The following FOXN3 variants were observed in gnomAD, a reference collection of about 807,000 sequenced individuals.
FOXN3 encodes forkhead box protein N3.
Under a neutral mutation model 38.4 loss-of-function variants are expected in FOXN3, and 7 were observed. The ratio of observed to expected loss-of-function variants is 0.18; its 90% CI spans 0.10 to 0.34. The LOEUF is 0.34. FOXN3 is among the 10% of genes least tolerant of loss of function. The probability of loss-of-function intolerance (pLI) is 1.00; values close to 1 mark genes in which losing one functional copy is unlikely to be tolerated. For synonymous variants in FOXN3, 230 were observed against 242.2 expected, an observed-to-expected ratio of 0.95 and a Z score of 0.47; for missense variants, 456 against 613.4, an observed-to-expected ratio of 0.74 and a Z score of 2.71.
intron 4 of FOXN3, among the ~76,000 whole-genome samples, chr14:89,217,496 G>A (rs1884322601): frequency 1.3e-5 from 2 of 152,162 alleles, no homozygotes; most frequent in South Asian, 4.1e-4. Flanking sequence ...AGTAAGAAGA[G>A]TGCCAAAGAC....
intron 1 of FOXN3, among the ~76,000 whole-genome samples, chr14:89,511,154 TTTC>T (rs1894055206): frequency 9.4e-5 from 2 of 21,292 alleles, no homozygotes; most frequent in Non-Finnish European, 6.3e-4. Flanking sequence ...TCTTTCTTTC[TTTC>T]TTTCTTTCTT....
At chr14:89,312,060 G>A (rs1049933722) in intron 3 of FOXN3, among the ~76,000 whole-genome samples, 6 of 151,796 alleles carry the variant, frequency 4.0e-5, no homozygotes, top group South Asian at 2.1e-4. Context: ...CGAGGCAGGC[G>A]GATCATTTGA....
chr14:89,502,612 C>T (rs747955864), intron 1 of FOXN3, among the ~76,000 whole-genome samples: 2 of 152,114 alleles, frequency 1.3e-5, no homozygotes, highest in East Asian at 1.9e-4. Flanking sequence ...TTCTTCTTAG[C>T]GGTGCATAAA....
chr14:89,281,469 T>C (rs989544172), intron 3 of FOXN3, among the ~76,000 whole-genome samples: 8 of 152,204 alleles, frequency 5.3e-5, no homozygotes, highest in Non-Finnish European at 1.0e-4. Context: ...TTTCTACCAC[T>C]AAATCCTTAA....
intron 1 of FOXN3, among the ~76,000 whole-genome samples, chr14:89,603,982 G>A (rs993336250): frequency 1.3e-5 from 2 of 152,180 alleles, no homozygotes; most frequent in African/African-American, 4.8e-5. Flanking sequence ...TACTAAAAAT[G>A]TGTAACCACA....
In FOXN3 at chr14:89,309,510, A is replaced by G. The variant is rs144261950; in HGVS notation, c.681-28496T>C. Among the ~76,000 whole-genome samples the G allele has an allele frequency of 2.9e-3, 446 of 152,296 alleles. 5 individuals are homozygous for G. Among genetic ancestry groups the G allele is most frequent in the African/African-American group, 9.8e-3 (408 of 41,558 alleles). ...TCACAGAAAAGTCTGTGCTTTAAGC[A>G]AAGAAAAAGGAATCTGAACACTTCG... On this transcript the variant is annotated intron_variant, in intron 3 of 5. Transcript: ENST00000557258.
At chr14:89,275,405 G>A (rs1369603589) in intron 4 of FOXN3, among the ~76,000 whole-genome samples, 1 of 152,172 alleles carries the variant, frequency 6.6e-6, no homozygotes, top group Non-Finnish European at 1.5e-5. Flanking sequence ...TACTAGATAG[G>A]GAATCTTTGC....
intron 5 of FOXN3, 51 bp downstream of exon 5, chr14:89,180,650 C>A (rs1392705117): frequency 3.0e-6 from 4 of 1,352,474 alleles, no homozygotes; most frequent in Admixed American, 2.4e-5. Context: ...GGACAGAAAG[C>A]TGCCCTTCCC....
intron 4 of FOXN3, among the ~76,000 whole-genome samples, chr14:89,224,889 G>T (rs990169893): frequency 4.6e-5 from 7 of 152,144 alleles, no homozygotes; most frequent in Non-Finnish European, 8.8e-5. Context: ...CCAGCACTTT[G>T]GGAGGCCGAG....
intron 1 of FOXN3, among the ~76,000 whole-genome samples, chr14:89,604,327 T>C (rs983460433): frequency 3.4e-5 from 5 of 146,078 alleles, no homozygotes; most frequent in South Asian, 2.2e-4. Context: ...GTGAAAACAA[T>C]AGAGAGGAGA....
chr14:89,370,333 G>C (rs1218162906), intron 2 of FOXN3, among the ~76,000 whole-genome samples: 1 of 152,218 alleles, frequency 6.6e-6, no homozygotes, highest in Non-Finnish European at 1.5e-5. Context: ...GCTTTCCCAA[G>C]ATCACAACCA....
chr14:89,218,132 C>T (rs1186968573), intron 4 of FOXN3, among the ~76,000 whole-genome samples: 1 of 152,134 alleles, frequency 6.6e-6, no homozygotes, highest in Non-Finnish European at 1.5e-5. Context: ...GTTACAAAGC[C>T]CTTAATTCCC....
intron 3 of FOXN3, among the ~76,000 whole-genome samples, chr14:89,320,047 T>C (rs777067385): frequency 3.9e-5 from 6 of 152,168 alleles, no homozygotes; most frequent in Non-Finnish European, 8.8e-5. Flanking sequence ...TTTAATTAAC[T>C]GAAACCTAAC....
chr14:89,436,707 G>C (rs1177826094), intron 1 of FOXN3, among the ~76,000 whole-genome samples: 2 of 152,194 alleles, frequency 1.3e-5, no homozygotes, highest in African/African-American at 2.4e-5. Context: ...GGTGGATCCA[G>C]TTTCTTGACT....
At chr14:89,204,295 G>A (rs752348390) in intron 4 of FOXN3, among the ~76,000 whole-genome samples, 8 of 152,110 alleles carry the variant, frequency 5.3e-5, no homozygotes, top group East Asian at 1.9e-4. Context: ...CACTCTTCAC[G>A]GGAAATGATG....
chr14:89,312,177 C>T (rs1003666899), intron 3 of FOXN3, among the ~76,000 whole-genome samples: 5 of 149,226 alleles, frequency 3.4e-5, no homozygotes, highest in African/African-American at 1.2e-4. Context: ...CCCAGCTACT[C>T]GGGAGGCTGA....
At chr14:89,180,369 G>A (rs73321216) in intron 5 of FOXN3, among the ~76,000 whole-genome samples, 523 of 152,290 alleles carry the variant, frequency 3.4e-3, no homozygotes, top group African/African-American at 0.012. Flanking sequence ...TGGGTCTTGC[G>A]CTAGGCCCGT....
At chr14:89,479,701 C>G (rs893128573) in intron 1 of FOXN3, among the ~76,000 whole-genome samples, 4 of 152,198 alleles carry the variant, frequency 2.6e-5, no homozygotes, top group African/African-American at 9.7e-5. Flanking sequence ...CCTTCTACCA[C>G]TGAGATGTTA....
At chr14:89,204,698 C>T (rs181412754) in intron 4 of FOXN3, among the ~76,000 whole-genome samples, 1 of 152,176 alleles carries the variant, frequency 6.6e-6, no homozygotes, top group Non-Finnish European at 1.5e-5. Context: ...GGAAGTCCTA[C>T]ATTGGTACAA....
Sources: gnomAD v4.1 joint callset for allele counts (sites outside exome capture counted in the v4.1 genomes callset) on GRCh38, gnomAD v4.1.1 for gene constraint, MANE v1.5 for transcripts, NCBI Gene and HGNC (gene_info 2026-07-23, HGNC 2026-07-21) for gene names.